KRABD3: variants seen among roughly 807,000 people sequenced by gnomAD.
The protein encoded by KRABD3 is KRAB domain containing 3.
the KRABD3 span, chr7:149,728,742 C>T: frequency 2.6e-6 from 4 of 1,533,880 alleles, no homozygotes; most frequent in Admixed American, 1.9e-5. Context: ...GGCGCTGCAC[C>T]TGTGGGCTCA....
chr7:149,716,669 C>A, the KRABD3 span, among the ~76,000 whole-genome samples: 1 of 152,194 alleles, frequency 6.6e-6, no homozygotes, highest in African/African-American at 2.4e-5. Context: ...TGGAAAGCAT[C>A]TCTTACAGAT....
At chr7:149,730,599 A>G in the KRABD3 span, 6 of 1,603,014 alleles carry the variant, frequency 3.7e-6, no homozygotes, top group Non-Finnish European at 5.1e-6. Flanking sequence ...GGGGGCGCCC[A>G]TGCGTTCCCC....
the KRABD3 span, chr7:149,720,186 C>T: frequency 1.3e-6 from 2 of 1,537,530 alleles, no homozygotes; most frequent in Non-Finnish European, 1.8e-6. Context: ...CAGCCCCAGG[C>T]AATGCGTGAC....
the KRABD3 span, chr7:149,719,655 A>AGACGCTGGTCTCTGTGGGTAAG: frequency 6.2e-7 from 1 of 1,607,148 alleles, no homozygotes. The surrounding 1 kb of genome is among the most constrained non-coding windows in gnomAD (Gnocchi z 5.6). Context: ...GAGAACTACG[A>AGACGCTGGTCTCTGTGGGTAAG]GACGCTGGTC....
the KRABD3 span, chr7:149,725,319 C>A: frequency 6.3e-7 from 1 of 1,583,922 alleles, no homozygotes; most frequent in East Asian, 2.3e-5. Context: ...TTCCAGCTGC[C>A]AGTGCCTCAA....
At chr7:149,721,803 C>T in the KRABD3 span, 69 of 632,770 alleles carry the variant, frequency 1.1e-4, no homozygotes, top group African/African-American at 5.7e-4. Context: ...AGAAAGTCTC[C>T]GGCAGTTTCT....
At chr7:149,721,648 CT>C in the KRABD3 span, 3 of 1,157,308 alleles carry the variant, frequency 2.6e-6, no homozygotes, top group Non-Finnish European at 3.8e-6. Flanking sequence ...CTCAGTTCCC[CT>C]GTTGTGCTGT....
chr7:149,721,242 G>C, the KRABD3 span: 3 of 1,144,258 alleles, frequency 2.6e-6, no homozygotes, highest in African/African-American at 4.7e-5. Flanking sequence ...GCCCCATTCA[G>C]AGCCCAGTGA....
chr7:149,722,601 T>C, the KRABD3 span: 1 of 1,578,064 alleles, frequency 6.3e-7, no homozygotes, highest in Admixed American at 1.7e-5. Context: ...GAAGTGTGTT[T>C]AGTTCACACG....
At chr7:149,724,648 G>C in the KRABD3 span, 2 of 1,513,792 alleles carry the variant, frequency 1.3e-6, no homozygotes, top group Non-Finnish European at 8.9e-7. Flanking sequence ...GCCTCCTCCC[G>C]CAGGGCCTGG....
At chr7:149,715,712 TG>T in the KRABD3 span, among the ~76,000 whole-genome samples, 1 of 152,158 alleles carries the variant, frequency 6.6e-6, no homozygotes, top group Admixed American at 6.5e-5. Flanking sequence ...CAGCCATGGA[TG>T]GGGGGCAGCG....
the KRABD3 span, among the ~76,000 whole-genome samples, chr7:149,716,243 T>C: frequency 1.3e-5 from 2 of 152,196 alleles, no homozygotes; most frequent in African/African-American, 4.8e-5. Flanking sequence ...GCACTGAAGC[T>C]GCAGTTTTTG....
the KRABD3 span, chr7:149,719,418 A>C: frequency 3.1e-6 from 3 of 959,732 alleles, no homozygotes; most frequent in Non-Finnish European, 3.0e-6. This position sits in a 1 kb window ranked among gnomAD's most constrained non-coding sequence, Gnocchi z 5.6. Context: ...GGATTCCTGC[A>C]TGTCAGACCC....
At chr7:149,720,831 G>A in the KRABD3 span, 1 of 1,580,846 alleles carries the variant, frequency 6.3e-7, no homozygotes. Context: ...TGGCCTCTCT[G>A]CAGGGGGACA....
the KRABD3 span, chr7:149,731,631 G>A: frequency 2.7e-6 from 4 of 1,478,776 alleles, no homozygotes; most frequent in African/African-American, 5.6e-5. Context: ...CTGGCCAAAC[G>A]ATCGTCTCCC....
the KRABD3 span, chr7:149,721,790 C>A: frequency 1.2e-5 from 8 of 651,534 alleles, no homozygotes; most frequent in Non-Finnish European, 2.3e-5. Context: ...GCACTTTGTA[C>A]ACAGAAAGTC....
At chr7:149,729,740 C>A in the KRABD3 span, 50 of 985,282 alleles carry the variant, frequency 5.1e-5, no homozygotes, top group Non-Finnish European at 6.0e-5. Context: ...TGCGGTTTTG[C>A]TGACCCTCCC....
At chr7:149,715,061 C>T in the KRABD3 span, 17 of 1,230,232 alleles carry the variant, frequency 1.4e-5, no homozygotes, top group Non-Finnish European at 1.5e-5. Context: ...GGGGATGGCG[C>T]GCCAGGTAAG....
At chr7:149,717,301 A>G in the KRABD3 span, among the ~76,000 whole-genome samples, 1 of 152,032 alleles carries the variant, frequency 6.6e-6, no homozygotes, top group Non-Finnish European at 1.5e-5. Flanking sequence ...ACCTTGAGCC[A>G]CTCCCATCAT....
Sources: allele counts gnomAD v4.1 joint callset (sites outside exome capture counted in the v4.1 genomes callset), GRCh38; gene constraint gnomAD v4.1.1; non-coding constraint Gnocchi (gnomAD v3.1); transcripts MANE v1.5; gene names NCBI Gene and HGNC (gene_info 2026-07-23, HGNC 2026-07-21).